NRXN1: variants seen among roughly 807,000 people sequenced by gnomAD.
NRXN1 encodes neurexin-1.
In NRXN1, 39 loss-of-function variants were observed where a neutral mutation model predicts 150.9. The ratio of observed to expected loss-of-function variants is 0.26; its 90% CI spans 0.20 to 0.34. The LOEUF is 0.34. Ranked by LOEUF, NRXN1 falls within the 10% of genes least tolerant of loss-of-function variation. The pLI is 1.00. For missense variants in NRXN1, 1,815 were observed against 1,949.9 expected, an observed-to-expected ratio of 0.93 and a Z score of 1.30; for synonymous variants, 924 against 757.0, an observed-to-expected ratio of 1.22 and a Z score of -3.62.
chr2:50,832,785 T>C (rs1180527355), intron 5 of NRXN1, among the ~76,000 whole-genome samples: 1 of 152,180 alleles, frequency 6.6e-6, no homozygotes, highest in Non-Finnish European at 1.5e-5. Context: ...CCTCAGGGTA[T>C]TAAAAATACT....
At chr2:50,227,402 T>A (rs2064499129) in intron 18 of NRXN1, among the ~76,000 whole-genome samples, 2 of 152,138 alleles carry the variant, frequency 1.3e-5, no homozygotes, top group Admixed American at 1.3e-4. Context: ...TGACCAGCCT[T>A]GCTACCAGGT....
intron 22 of NRXN1, among the ~76,000 whole-genome samples, chr2:49,939,090 C>T (rs1233260203): frequency 6.6e-6 from 1 of 152,020 alleles, no homozygotes; most frequent in African/African-American, 2.4e-5. Flanking sequence ...ATAACAAATA[C>T]TAATAACAGG....
chr2:50,172,286 G>T (rs999456899), intron 18 of NRXN1, among the ~76,000 whole-genome samples: 1 of 152,004 alleles, frequency 6.6e-6, no homozygotes, highest in Non-Finnish European at 1.5e-5. Flanking sequence ...TTTTAGCACA[G>T]ATTTTAATTA....
At chr2:50,789,664 A>C (rs1705655271) in intron 5 of NRXN1, among the ~76,000 whole-genome samples, 2 of 152,332 alleles carry the variant, frequency 1.3e-5, no homozygotes, top group South Asian at 2.1e-4. Context: ...TATAGACATC[A>C]GAAATTTAAG....
At chr2:50,916,929 T>C (rs1685287487) in intron 5 of NRXN1, 1 of 151,744 alleles carries the variant, frequency 6.6e-6, no homozygotes, top group Non-Finnish European at 1.5e-5. Context: ...TTCTTGGTTC[T>C]ACTCAGAACT....
chr2:50,826,462 G>A (rs1048944578), intron 5 of NRXN1, among the ~76,000 whole-genome samples: 1 of 151,996 alleles, frequency 6.6e-6, no homozygotes, highest in Non-Finnish European at 1.5e-5. Context: ...TAGATGAAAA[G>A]ACTATTCTAG....
intron 17 of NRXN1, among the ~76,000 whole-genome samples, chr2:50,271,923 G>A (rs918220675): frequency 6.6e-6 from 1 of 152,134 alleles, no homozygotes; most frequent in South Asian, 2.1e-4. Context: ...TTGGACCTAG[G>A]TAAAGGACGA....
intron 12 of NRXN1, among the ~76,000 whole-genome samples, chr2:50,520,272 A>C (rs2092749555): frequency 6.6e-6 from 1 of 151,962 alleles, no homozygotes; most frequent in Non-Finnish European, 1.5e-5. Context: ...TTTGAGAGTC[A>C]AAATTAGTAG....
chr2:50,739,892 G>A (rs921810750), intron 5 of NRXN1, among the ~76,000 whole-genome samples: 1 of 151,906 alleles, frequency 6.6e-6, no homozygotes, highest in African/African-American at 2.4e-5. Context: ...ATAGAATTTG[G>A]TTACCTTTAT....
chr2:50,452,191 A>G (rs2087033258), intron 17 of NRXN1, among the ~76,000 whole-genome samples: 1 of 152,194 alleles, frequency 6.6e-6, no homozygotes, highest in Non-Finnish European at 1.5e-5. Context: ...AAGACATCCC[A>G]TTAATCAGAT....
intron 2 of NRXN1, among the ~76,000 whole-genome samples, chr2:50,931,092 A>G (rs1687671149): frequency 6.6e-6 from 1 of 152,140 alleles, no homozygotes; most frequent in Non-Finnish European, 1.5e-5. Flanking sequence ...GTGTATTACC[A>G]TCAGAGAATA....
chr2:50,129,160 T>A (rs768193762), intron 18 of NRXN1, among the ~76,000 whole-genome samples: 5 of 152,096 alleles, frequency 3.3e-5, no homozygotes, highest in African/African-American at 9.7e-5. Flanking sequence ...AATTATCCTA[T>A]CTGAATACAT....
chr2:50,097,301 T>C (rs1700350787), intron 18 of NRXN1, among the ~76,000 whole-genome samples: 2 of 152,198 alleles, frequency 1.3e-5, no homozygotes, highest in Non-Finnish European at 1.5e-5. Context: ...ACTTCTGTCA[T>C]GCACCATAGT....
chr2:50,196,160 C>A (rs1374533911), intron 18 of NRXN1, among the ~76,000 whole-genome samples: 1 of 147,578 alleles, frequency 6.8e-6, no homozygotes, highest in Non-Finnish European at 1.5e-5. Context: ...GTGTGTTGTT[C>A]CACTCCCTAT....
rs189958029 is a variant in NRXN1, at chr2:50,408,997, T to A, written c.3364+56445A>T. Among the ~76,000 whole-genome samples the A allele has an allele frequency of 1.6e-3, 240 of 152,254 alleles. 1 individual carries two copies. Among genetic ancestry groups the A allele is most frequent in the African/African-American group, 5.7e-3 (238 of 41,550 alleles). On this transcript the variant is annotated intron_variant, in intron 17 of 22. Transcript: ENST00000401669. ...GGAAAAAAAATTGACATGTGGTAAC[T>A]TTTTGGAGTGGCATTCTGGTTGATC...
intron 5 of NRXN1, among the ~76,000 whole-genome samples, chr2:50,734,658 G>C (rs762465257): frequency 2.0e-5 from 3 of 150,984 alleles, no homozygotes; most frequent in African/African-American, 4.9e-5. Flanking sequence ...ATGAGCTGTA[G>C]AAAAATGCTT....
intron 5 of NRXN1, among the ~76,000 whole-genome samples, chr2:50,883,224 C>A (rs866628946): frequency 2.1e-4 from 32 of 151,646 alleles, no homozygotes; most frequent in Middle Eastern, 3.2e-3. Context: ...AAGAGTAAAT[C>A]CGAAATGGTC....
At chr2:50,464,051 C>A (rs373264443) in intron 17 of NRXN1, 2 of 150,016 alleles carry the variant, frequency 1.3e-5, no homozygotes, top group Admixed American at 6.7e-5. Context: ...ATGAAAAGCA[C>A]ATGTAAGGCT....
Position 50,465,438 on chromosome 2 carries a change from T to C in NRXN1, c.3364+4A>G, listed in dbSNP as rs190177055. ...TATCAGTCCATACTCAGAGAGGTAC[T>C]TACGGTCATTGCAGAGTGGTCCACT... is the stretch of plus-strand genomic sequence containing the variant. On this transcript the variant is annotated splice_donor_region_variant and intron_variant, in intron 17 of 22. Coordinates refer to ENST00000401669, the MANE Select transcript of NRXN1 (RefSeq NM_001330078.2). 6.2e-7 allele frequency: 1 copy of C among 1,606,566 alleles called. No homozygotes were observed. Among genetic ancestry groups the C allele is most frequent in the Admixed American group, 1.7e-5 (1 of 59,250 alleles).
Sources: allele counts gnomAD v4.1 joint callset (sites outside exome capture counted in the v4.1 genomes callset), GRCh38; gene constraint gnomAD v4.1.1; transcripts MANE v1.5; gene names NCBI Gene and HGNC (gene_info 2026-07-23, HGNC 2026-07-21).